NSD3: variants seen among roughly 807,000 people sequenced by gnomAD.
NSD3 encodes the protein histone-lysine N-methyltransferase NSD3.
Under a neutral mutation model 160.8 loss-of-function variants are expected in NSD3, and 24 were observed. The observed-to-expected ratio is 0.15, with a 90% CI of 0.11 to 0.21. The LOEUF (loss-of-function observed/expected upper bound fraction) is 0.21, where lower values mean the gene tolerates loss of function less well. Among genes scored for constraint, NSD3 ranks in the 10% least tolerant of loss-of-function variants. The pLI is 1.00. For synonymous variants in NSD3, 520 were observed against 600.0 expected, an observed-to-expected ratio of 0.87 and a Z score of 1.95; for missense variants, 1,157 against 1,735.9, an observed-to-expected ratio of 0.67 and a Z score of 5.93.
intron 12 of NSD3, among the ~76,000 whole-genome samples, chr8:38,313,595 T>C (rs184529952): frequency 1.3e-5 from 2 of 152,202 alleles, no homozygotes; most frequent in East Asian, 3.9e-4. Flanking sequence ...GAGACCATCC[T>C]GGCTAACATG....
intron 12 of NSD3, among the ~76,000 whole-genome samples, chr8:38,314,245 T>A (rs528935514): frequency 3.3e-4 from 50 of 152,348 alleles, no homozygotes; most frequent in Middle Eastern, 3.4e-3. Context: ...AAAAAATGAT[T>A]TCCAGTAGCT....
At chr8:38,328,485 A>T (rs1809969370) in intron 6 of NSD3, among the ~76,000 whole-genome samples, 2 of 152,232 alleles carry the variant, frequency 1.3e-5, no homozygotes. Context: ...CCTTAACTGA[A>T]GTCAGCTGAA....
chr8:38,301,367 C>T (rs947543533), intron 14 of NSD3, among the ~76,000 whole-genome samples: 2 of 152,152 alleles, frequency 1.3e-5, no homozygotes, highest in African/African-American at 4.8e-5. Flanking sequence ...CAGCTGAGGT[C>T]GGGAGTTTGA....
Position 38,347,524 on chromosome 8 carries a change from G to T in NSD3, c.648C>A (p.Ile216=). ...SRSEERKSHK[I]PKLEPEEQNR... is the part of the protein sequence containing the mutation. The stretch of plus-strand genomic sequence containing the variant: ...TTTGTTCCTCTGGTTCTAATTTGGG[G>T]ATTTTGTGTGACTTGCGCTCTTCAG... The change falls in exon 2 of 24, where the codon ATC becomes ATA. Residue 216 remains isoleucine, a synonymous_variant. Coordinates refer to ENST00000317025, the MANE Select transcript of NSD3 (RefSeq NM_023034.2). The T allele has an allele frequency of 6.3e-6, 10 of 1,583,688 alleles. No individual in the cohort carries two copies. Among genetic ancestry groups the T allele is most frequent in the Non-Finnish European group, 8.6e-6 (10 of 1,168,750 alleles).
rs1281663435 is a variant in NSD3 at position 38,318,116 on chromosome 8, C to A, written c.1855+779G>T. ...CGCGATGTCTTTTCTTGGAGCTCCG[C>A]CAAGCAGTGTTCCCTCCGAGAGGCT... On this transcript the variant is annotated intron_variant, in intron 9 of 23. Transcript: ENST00000317025. This position sits in a 1 kb window ranked among gnomAD's most constrained non-coding sequence, Gnocchi z 5.3. 1.3e-6 allele frequency: 2 copies of A among 1,552,178 alleles called. No homozygotes were observed. The highest frequency in any genetic ancestry group is 1.8e-6 in the Non-Finnish European group (2 of 1,138,176).
chr8:38,310,209 C>A (rs1382188754), intron 12 of NSD3, among the ~76,000 whole-genome samples: 1 of 152,214 alleles, frequency 6.6e-6, no homozygotes, highest in Non-Finnish European at 1.5e-5. Context: ...ACCTCCCCTA[C>A]AACCCTGGTG....
In NSD3 at chr8:38,319,477, C is replaced by T. The variant is rs1323154106; in HGVS notation, c.1810-537G>A. The stretch of plus-strand genomic sequence containing the variant: ...AAGCTCAATACTTTTGCTGCTAGTA[C>T]AAACTTAAGAAAATAAGTTTGTGAT... On this transcript the variant is annotated intron_variant, in intron 8 of 23. Coordinates refer to ENST00000317025, the MANE Select transcript of NSD3 (RefSeq NM_023034.2). This position sits in a 1 kb window ranked among gnomAD's most constrained non-coding sequence, Gnocchi z 4.1. 1.3e-5 allele frequency among the ~76,000 whole-genome samples: 2 copies of T among 152,210 alleles called. No individual in the cohort carries two copies. Among genetic ancestry groups the T allele is most frequent in the Admixed American group, 6.5e-5 (1 of 15,282 alleles).
chr8:38,289,833 C>G (rs1808956609), intron 17 of NSD3, among the ~76,000 whole-genome samples: 1 of 152,200 alleles, frequency 6.6e-6, no homozygotes, highest in African/African-American at 2.4e-5. Context: ...GCCAAACTTG[C>G]TGGCAACTCA....
chr8:38,315,986 T>C lies in NSD3; in HGVS notation c.1912A>G (p.Thr638Ala), dbSNP rs1411552559. The C allele has an allele frequency of 6.2e-7, 1 of 1,613,556 alleles. No homozygotes were observed. Among genetic ancestry groups the C allele is most frequent in the South Asian group, 1.1e-5 (1 of 91,048 alleles). ...GCTGAACTAGTCATTTCTACATCAG[T>C]TGAGGCGCGACTCCTTTTCTTTAGA... is the stretch of plus-strand genomic sequence containing the variant. Reference protein sequence around the residue: ...KPLKKRSRASTDVEMTSSAYR... With the variant: ...KPLKKRSRASADVEMTSSAYR... Residue 638 changes from threonine (T) to alanine (A), a missense_variant, in exon 10 of 24, where the codon ACT becomes GCT. Thr to Ala is a moderately conservative substitution (Grantham distance 58). Transcript: ENST00000317025.
intron 16 of NSD3, among the ~76,000 whole-genome samples, chr8:38,291,138 T>A (rs1808989755): frequency 6.6e-6 from 1 of 152,194 alleles, no homozygotes; most frequent in Admixed American, 6.5e-5. Context: ...AAATCAGCAT[T>A]TAGTCTCGAG....
At chr8:38,309,146 T>TAA (rs539988814) in intron 12 of NSD3, among the ~76,000 whole-genome samples, 3 of 137,806 alleles carry the variant, frequency 2.2e-5, no homozygotes, top group African/African-American at 5.3e-5. Flanking sequence ...GTCTCTCTAC[T>TAA]AAAAAAAAAA....
intron 2 of NSD3, among the ~76,000 whole-genome samples, chr8:38,347,097 A>G (rs1027757480): frequency 6.6e-6 from 1 of 152,176 alleles, no homozygotes; most frequent in Admixed American, 6.5e-5. Context: ...TTTGTAGCAA[A>G]CATTAGCAAT....
intron 12 of NSD3, among the ~76,000 whole-genome samples, chr8:38,310,349 T>A (rs1262392644): frequency 6.6e-6 from 1 of 152,242 alleles, no homozygotes. Flanking sequence ...TGTTATGACA[T>A]GTATCACAAT....
At chr8:38,281,680 C>A in intron 19 of NSD3, 97 bp from the exon 20 acceptor site, 1 of 640,054 alleles carries the variant, frequency 1.6e-6, no homozygotes, top group East Asian at 3.1e-5. Flanking sequence ...AAAGAGAACC[C>A]TGAAAATATA....
At position 38,348,096 on chromosome 8, in the gene NSD3, C is replaced by T. The variant is rs1810580142; in HGVS notation, c.76G>A (p.Ala26Thr). 1 of 1,613,766 alleles carries T rather than the reference C, an allele frequency of 6.2e-7. No individual in the cohort carries two copies. Among genetic ancestry groups the T allele is most frequent in the Non-Finnish European group, 8.5e-7 (1 of 1,179,866 alleles). ...AAGGCATCCTCCTGACGGATGTTGG[C>T]GGAGTCAATGAGTTGAGGTGGTTGC... ...IQQPPQLIDS[A>T]NIRQEDAFDN... Residue 26 changes from alanine (A) to threonine (T), a missense_variant, in exon 2 of 24, where the codon GCC becomes ACC. This residue lies in a region of NSD3 where 121 missense variants were observed against 177.2 expected (regional missense o/e 0.68). Coordinates refer to ENST00000317025, the MANE Select transcript of NSD3 (RefSeq NM_023034.2).
chr8:38,280,209 A>T (rs1287092997), intron 20 of NSD3: 1 of 152,384 alleles, frequency 6.6e-6, no homozygotes, highest in African/African-American at 2.4e-5. Context: ...CTCTGTTTTT[A>T]CTTAAAGTTC....
chr8:38,325,965 T>C (rs1371459204), intron 7 of NSD3, among the ~76,000 whole-genome samples: 1 of 151,646 alleles, frequency 6.6e-6, no homozygotes, highest in Non-Finnish European at 1.5e-5. Flanking sequence ...CTGGCCAACA[T>C]GGTGAAACTT....
intron 20 of NSD3, among the ~76,000 whole-genome samples, chr8:38,280,854 G>A (rs1470222484): frequency 6.6e-6 from 1 of 151,644 alleles, no homozygotes; most frequent in Non-Finnish European, 1.5e-5. Context: ...CTGGGCTCAA[G>A]TGATCCTCCT....
intron 1 of NSD3, among the ~76,000 whole-genome samples, chr8:38,361,377 G>A (rs1199706650): frequency 7.2e-6 from 1 of 138,902 alleles, no homozygotes; most frequent in Admixed American, 8.1e-5. Context: ...CAAGCCGCCT[G>A]CCTTGGCCTC....
Sources: gnomAD v4.1 joint callset for allele counts (sites outside exome capture counted in the v4.1 genomes callset) on GRCh38, gnomAD v4.1.1 for gene constraint, gnomAD v4.1.1 regional missense constraint, Gnocchi (gnomAD v3.1) non-coding constraint, MANE v1.5 for transcripts, NCBI Gene and HGNC (gene_info 2026-07-23, HGNC 2026-07-21) for gene names.